Variants in HUNK observed in about 807,000 individuals in gnomAD.
HUNK encodes hormonally up-regulated Neu-associated kinase, also known as hormonally up-regulated neu tumor-associated kinase.
A neutral mutation model predicts 61.0 loss-of-function variants in HUNK; 21 were observed. That is an observed-to-expected ratio of 0.34 (90% CI 0.24 to 0.50). The LOEUF (loss-of-function observed/expected upper bound fraction) is 0.50. HUNK is among the 20% of genes least tolerant of loss of function. The probability of loss-of-function intolerance (pLI) is 0.98; values close to 1 mark genes in which losing one functional copy is unlikely to be tolerated. For synonymous variants in HUNK, 371 were observed against 386.1 expected (o/e 0.96, Z 0.46); for missense variants, 772 against 945.7 (o/e 0.82, Z 2.41).
Position 31,924,828 on chromosome 21 carries a change from C to A in HUNK, c.554+68C>A. ...GTGGGTGGCACTGGGCTGTGGCACC[C>A]TCTGAGCCTCTGAGAAAGGCTGAGC... On this transcript the variant is annotated intron_variant, in intron 2 of 10. Transcript: ENST00000270112. This position sits in a 1 kb window ranked among gnomAD's most constrained non-coding sequence, Gnocchi z 5.1. 7.8e-7 allele frequency: 1 copy of A among 1,289,308 alleles called. No individual in the cohort carries two copies. Among genetic ancestry groups the A allele is most frequent in the Non-Finnish European group, 1.1e-6 (1 of 935,028 alleles). The allele number at this position is 1,289,308 out of a possible 1,614,324, so 79.9% of individuals were successfully genotyped here.
At chr21:31,941,966 C>T (rs2052771659) in intron 3 of HUNK, among the ~76,000 whole-genome samples, 1 of 152,204 alleles carries the variant, frequency 6.6e-6, no homozygotes, top group Non-Finnish European at 1.5e-5. Flanking sequence ...TGTAATCCCA[C>T]TTTGGGAGGC....
intron 5 of HUNK, among the ~76,000 whole-genome samples, chr21:31,965,950 G>A (rs188301342): frequency 6.6e-6 from 1 of 152,204 alleles, no homozygotes; most frequent in East Asian, 1.9e-4. Context: ...AACAGGTGGT[G>A]TTTGGTTACA....
At position 31,999,099 on chromosome 21, in the gene HUNK, T is replaced by C. The variant is rs772365584; in HGVS notation, c.2060T>C (p.Leu687Pro). 23 of 1,614,206 alleles carry C rather than the reference T, an allele frequency of 1.4e-5. No homozygotes were observed. In the South Asian group the frequency reaches 2.2e-4, roughly 15 times the overall value. Residue 687 changes from leucine to proline, a missense_variant, in exon 11 of 11, where the codon CTG becomes CCG. This residue lies in a region of HUNK where 413 missense variants were observed against 444.4 expected (regional missense o/e 0.93). Transcript: ENST00000270112. ...QSLQPSADRP[L>P]EASLPPLQPL... is the part of the protein sequence containing the mutation. The stretch of plus-strand genomic sequence containing the variant: ...CTGCAGCCATCTGCAGATAGGCCCC[T>C]GGAGGCCAGCCTGCCCCCACTGCAG...
At chr21:31,978,674 G>C (rs1327580514) in intron 7 of HUNK, among the ~76,000 whole-genome samples, 1 of 152,112 alleles carries the variant, frequency 6.6e-6, no homozygotes, top group Non-Finnish European at 1.5e-5. Context: ...TCTTTTTAAA[G>C]GTTGAATAGT....
At chr21:31,906,220 C>T (rs73900709) in intron 1 of HUNK, among the ~76,000 whole-genome samples, 4,463 of 152,226 alleles carry the variant, frequency 0.029, 243 homozygotes, top group African/African-American at 0.1. Context: ...TTATTATCCC[C>T]GGCTTACTGA....
chr21:31,900,374 A>T (rs2052456118), intron 1 of HUNK, among the ~76,000 whole-genome samples: 1 of 151,184 alleles, frequency 6.6e-6, no homozygotes, highest in Non-Finnish European at 1.5e-5. Flanking sequence ...CATCTTGAGC[A>T]CAAGCAAGCG....
chr21:31,926,366 C>T (rs986657880), intron 2 of HUNK, among the ~76,000 whole-genome samples: 2 of 152,134 alleles, frequency 1.3e-5, no homozygotes, highest in South Asian at 4.1e-4. Context: ...CTATAAAAGT[C>T]ACCATTTAAA....
chr21:31,968,475 T>C (rs2052983973), intron 6 of HUNK, 90 bp downstream of exon 6: 1 of 1,501,666 alleles, frequency 6.7e-7, no homozygotes, highest in Non-Finnish European at 9.1e-7. Context: ...CTGTCCGTGA[T>C]TGAAGGAAAA....
chr21:31,933,417 A>C (rs2052711799), intron 2 of HUNK, among the ~76,000 whole-genome samples: 1 of 151,984 alleles, frequency 6.6e-6, no homozygotes, highest in South Asian at 2.1e-4. Context: ...TGGGAAGCCA[A>C]GGTGGGAGGA....
chr21:31,959,024 C>T (rs931705062), intron 5 of HUNK, 54 bp downstream of exon 5: 88 of 1,462,510 alleles, frequency 6.0e-5, no homozygotes, highest in African/African-American at 4.8e-4. Flanking sequence ...GTGACCAGTT[C>T]GGGTCTACCT....
chr21:31,926,709 TG>T (rs1170631869), intron 2 of HUNK, among the ~76,000 whole-genome samples: 2 of 152,204 alleles, frequency 1.3e-5, no homozygotes, highest in Non-Finnish European at 2.9e-5. Context: ...TAATACTCCA[TG>T]TATGGATATA....
chr21:31,979,708 G>C (rs1430563895), intron 7 of HUNK, among the ~76,000 whole-genome samples: 1 of 150,706 alleles, frequency 6.6e-6, no homozygotes, highest in Admixed American at 6.6e-5. Context: ...GTAGAGACAG[G>C]GTTTCACCGT....
intron 1 of HUNK, among the ~76,000 whole-genome samples, chr21:31,907,793 C>A (rs1031265446): frequency 8.5e-5 from 13 of 152,166 alleles, no homozygotes; most frequent in African/African-American, 3.1e-4. Context: ...AGTTTGAGAC[C>A]AGCCTGGCCA....
chr21:31,990,421 CT>C (rs747180104), intron 9 of HUNK, among the ~76,000 whole-genome samples: 462 of 141,158 alleles, frequency 3.3e-3, no homozygotes, highest in South Asian at 6.4e-3. Context: ...AGACCTCATT[CT>C]TTTTTTTTTT....
At chr21:31,939,558 G>A (rs1304664560) in intron 2 of HUNK, among the ~76,000 whole-genome samples, 2 of 151,606 alleles carry the variant, frequency 1.3e-5, no homozygotes, top group Non-Finnish European at 2.9e-5. Context: ...ACAGGCATGC[G>A]CCGCCATGCC....
intron 1 of HUNK, among the ~76,000 whole-genome samples, chr21:31,898,032 C>T (rs551229686): frequency 2.6e-5 from 4 of 152,208 alleles, no homozygotes; most frequent in South Asian, 2.1e-4. Flanking sequence ...TGCAGAGATA[C>T]GACAGTTATG....
chr21:31,875,294 C>T (rs1485554668), intron 1 of HUNK, among the ~76,000 whole-genome samples: 1 of 152,196 alleles, frequency 6.6e-6, no homozygotes, highest in Admixed American at 6.5e-5. Flanking sequence ...ACCCCATTTC[C>T]CCTCTTTGTC....
intron 6 of HUNK, among the ~76,000 whole-genome samples, chr21:31,970,637 C>T (rs1042757315): frequency 1.3e-5 from 2 of 152,104 alleles, no homozygotes; most frequent in African/African-American, 4.8e-5. Context: ...ATGTAATCAC[C>T]GCCTAAATGA....
rs2833583 is a variant in HUNK at position 31,963,131 on chromosome 21, A to G, written c.874+4161A>G. Among the ~76,000 whole-genome samples the G allele has an allele frequency of 8.3e-3, 1,267 of 152,316 alleles. 19 individuals carry two copies. Among genetic ancestry groups the G allele is most frequent in the African/African-American group, 0.029 (1,192 of 41,566 alleles). On this transcript the variant is annotated intron_variant, in intron 5 of 10. Coordinates refer to ENST00000270112, the MANE Select transcript of HUNK (RefSeq NM_014586.2). ...CCTGGCCCTGCTTATATCCAAAAAT[A>G]CTAGTTTACCAGTAACATGAGTAGC...
Sources: gnomAD v4.1 joint callset for allele counts (sites outside exome capture counted in the v4.1 genomes callset) on GRCh38, gnomAD v4.1.1 for gene constraint, gnomAD v4.1.1 regional missense constraint, Gnocchi (gnomAD v3.1) non-coding constraint, MANE v1.5 for transcripts, NCBI Gene and HGNC (gene_info 2026-07-23, HGNC 2026-07-21) for gene names.